Variants in VASN observed in about 807,000 individuals in gnomAD.
The protein encoded by VASN is protein slit-like 2.
VASN carries 5 observed loss-of-function variants against 4.8 expected under a neutral mutation model. That is an observed-to-expected ratio of 1.03 (90% CI 0.54 to 2.17). The LOEUF is 2.17. Among genes scored for constraint, VASN ranks in the 30% most tolerant of loss-of-function variants. The probability of loss-of-function intolerance (pLI) is 0.01; values close to 1 mark genes in which losing one functional copy is unlikely to be tolerated. For synonymous variants in VASN, 499 were observed against 460.8 expected (o/e 1.08, Z -1.06); for missense variants, 927 against 948.8 (o/e 0.98, Z 0.30).
Position 4,382,935 on chromosome 16 carries a change from C to T in VASN, c.*36C>T, listed in dbSNP as rs752244621. 5.5e-6 allele frequency: 8 copies of T among 1,460,098 alleles called. No individual in the cohort carries two copies. Among genetic ancestry groups the T allele is most frequent in the Non-Finnish European group, 7.2e-6 (8 of 1,105,680 alleles). The allele number at this position is 1,460,098 out of a possible 1,614,324, so 90.4% of individuals were successfully genotyped here. On this transcript the variant is annotated 3_prime_UTR_variant, in exon 2 of 2. Transcript: ENST00000304735. ...GACAGGGCAGCTGGGGCCGGGCTCT[C>T]AGCCAGTGAGATGGCCAGCCCCCTC...
chr16:4,383,015 G>A lies in VASN; in HGVS notation c.*116G>A, dbSNP rs116096591. The A allele has an allele frequency of 5.2e-3, 6,095 of 1,175,978 alleles. 264 individuals carry two copies. In the African/African-American group the frequency reaches 0.087, roughly 17 times the overall value. 72.8% of individuals were successfully genotyped at this position (1,175,978 alleles called of 1,614,324 possible). A position where few individuals can be genotyped will look rare whatever the true frequency, so the allele number is the denominator to read the frequency against. On this transcript the variant is annotated 3_prime_UTR_variant, in exon 2 of 2. Transcript: ENST00000304735. ...CCAACCTCGGGGATGTGTGCAGACA[G>A]GGCTGTGTGACCACAGCTGGGCCCT...
Position 4,381,618 on chromosome 16 carries a change from C to G in VASN, c.741C>G (p.Ala247=). The stretch of plus-strand genomic sequence containing the variant: ...GGGGCCTGACGCGCCTGCGGCTGGC[C>G]GGCAACACCCGCATTGCCCAGCTGC... ...GLRGLTRLRL[A]GNTRIAQLRP... The change falls in exon 2 of 2, where the codon GCC becomes GCG. Residue 247 remains alanine (A), a synonymous_variant. Coordinates refer to ENST00000304735, the MANE Select transcript of VASN (RefSeq NM_138440.3). 1.3e-6 allele frequency: 2 copies of G among 1,597,418 alleles called. No homozygotes were observed. Among genetic ancestry groups the G allele is most frequent in the Non-Finnish European group, 8.5e-7 (1 of 1,172,812 alleles).
At chr16:4,376,528 C>T (rs1161896551) in intron 1 of VASN, among the ~76,000 whole-genome samples, 1 of 152,178 alleles carries the variant, frequency 6.6e-6, no homozygotes, top group Non-Finnish European at 1.5e-5. Context: ...CCCTACTCAG[C>T]AGGCACACCG....
Position 4,381,322 on chromosome 16 carries a change from C to T in VASN, c.445C>T (p.Arg149Cys), listed in dbSNP as rs766743750. The T allele has an allele frequency of 2.5e-5, 40 of 1,611,036 alleles. No homozygotes were observed. Among genetic ancestry groups the T allele is most frequent in the African/African-American group, 1.9e-4 (14 of 74,884 alleles). The change falls in exon 2 of 2, where the codon CGC becomes TGC. Residue 149 changes from arginine to cysteine, a missense_variant. By Grantham distance (180) the Arg-to-Cys change is radical. Coordinates refer to ENST00000304735, the MANE Select transcript of VASN (RefSeq NM_138440.3). ...GCCTGGTGCCTTCGACACGCTCGAC[C>T]GCCTCCTGGAGCTCAAGCTGCAGGA... is the stretch of plus-strand genomic sequence containing the variant. The part of the protein sequence containing the change: ...IQPGAFDTLD[R>C]LLELKLQDNE...
chr16:4,378,192 C>T (rs1214791081), intron 1 of VASN, among the ~76,000 whole-genome samples: 1 of 152,190 alleles, frequency 6.6e-6, no homozygotes, highest in Non-Finnish European at 1.5e-5. Context: ...GTCCCAGATA[C>T]TCAGATGAAG....
chr16:4,378,599 C>A (rs2054836706), intron 1 of VASN, among the ~76,000 whole-genome samples: 1 of 152,118 alleles, frequency 6.6e-6, no homozygotes, highest in Non-Finnish European at 1.5e-5. Context: ...GGCCCCAGGG[C>A]CTTAGGTCAT....
At chr16:4,374,600 G>A (rs1356821336) in intron 1 of VASN, among the ~76,000 whole-genome samples, 1 of 152,190 alleles carries the variant, frequency 6.6e-6, no homozygotes, top group Non-Finnish European at 1.5e-5. Flanking sequence ...TGGGCCCCGA[G>A]CCCGGCTGGG....
chr16:4,378,211 G>A (rs1309914381), intron 1 of VASN, among the ~76,000 whole-genome samples: 1 of 152,170 alleles, frequency 6.6e-6, no homozygotes, highest in Non-Finnish European at 1.5e-5. Context: ...AGAAACCGAG[G>A]TGTGAGAGCA....
intron 1 of VASN, among the ~76,000 whole-genome samples, chr16:4,376,831 C>T (rs964095519): frequency 3.9e-5 from 6 of 152,188 alleles, no homozygotes; most frequent in Non-Finnish European, 7.4e-5. Context: ...GCTCCCCAGC[C>T]CCCAGGGTGA....
rs2055039924 is a variant in VASN at position 4,382,694 on chromosome 16, C to T, written c.1817C>T (p.Ala606Val). The part of the protein sequence containing the change: ...AYCVRRGRAM[A>V]AAAQDKGQVG... ...TGTGTGCGGCGGGGGCGGGCCATGG[C>T]AGCAGCGGCTCAGGACAAAGGGCAG... The change falls in exon 2 of 2, where the codon GCA becomes GTA. Residue 606 changes from alanine to valine, a missense_variant. Transcript: ENST00000304735. 6.5e-7 allele frequency: 1 copy of T among 1,546,756 alleles called. No homozygotes were observed.
chr16:4,382,792 G>T lies in VASN; in HGVS notation c.1915G>T (p.Glu639Ter), dbSNP rs753091510. The change falls in exon 2 of 2, where the codon GAG becomes TAG. Residue 639 changes from glutamate to a stop codon, truncating the protein, a stop_gained. Transcript: ENST00000304735. LOFTEE classifies it low-confidence loss of function (END_TRUNC). ...VPLEPGPKAT[E>*]GGGEALPSGS... is the part of the protein sequence containing the mutation. ...CTTGGAGCCAGGCCCGAAGGCAACA[G>T]AGGGCGGTGGAGAGGCCCTGCCCAG... The T allele has an allele frequency of 6.3e-7, 1 of 1,586,140 alleles. No homozygotes were observed. The highest frequency in any genetic ancestry group is 1.8e-5 in the Admixed American group (1 of 56,402).
Position 4,381,566 on chromosome 16 carries a change from G to C in VASN, c.689G>C (p.Arg230Pro), listed in dbSNP as rs752293415. ...DLDVSDNQLERVPPVIRGLRG... is the reference protein window; with the variant it reads ...DLDVSDNQLEPVPPVIRGLRG... ...GATGTGTCCGACAACCAGCTGGAGCGAGTGCCACCTGTGATCCGAGGCCTC... is the reference window on the plus strand; with the variant it reads ...GATGTGTCCGACAACCAGCTGGAGCCAGTGCCACCTGTGATCCGAGGCCTC... Residue 230 changes from arginine to proline, a missense_variant, in exon 2 of 2, where the codon CGA (arginine) becomes CCA (proline). Physicochemically the swap from Arg to Pro is moderately radical, Grantham distance 103 (BLOSUM62 -2). Coordinates refer to ENST00000304735, the MANE Select transcript of VASN (RefSeq NM_138440.3). 8.7e-6 allele frequency: 14 copies of C among 1,605,302 alleles called. No individual in the cohort carries two copies. The highest frequency in any genetic ancestry group is 1.2e-5 in the Non-Finnish European group (14 of 1,176,746).
At position 4,381,340 on chromosome 16, in the gene VASN, C is replaced by T. The variant is rs756641254; in HGVS notation, c.463C>T (p.Leu155=). ...GCTCGACCGCCTCCTGGAGCTCAAG[C>T]TGCAGGACAACGAGCTGCGGGCACT... The part of the protein sequence containing the change: ...DTLDRLLELK[L]QDNELRALPP... The change falls in exon 2 of 2, where the codon CTG becomes TTG. Residue 155 remains leucine, a synonymous_variant. Coordinates refer to ENST00000304735, the MANE Select transcript of VASN (RefSeq NM_138440.3). 1.2e-6 allele frequency: 2 copies of T among 1,608,458 alleles called. No individual in the cohort carries two copies. The highest frequency in any genetic ancestry group is 1.7e-6 in the Non-Finnish European group (2 of 1,178,162).
At chr16:4,373,609 C>T (rs1346904042) in intron 1 of VASN, among the ~76,000 whole-genome samples, 6 of 152,176 alleles carry the variant, frequency 3.9e-5, no homozygotes, top group African/African-American at 1.4e-4. Context: ...AAGGGAGATG[C>T]CCCGGGCAGG....
rs750055526 is a variant in VASN at position 4,381,096 on chromosome 16, C to T, written c.219C>T (p.Ala73=). ...CCATGCTCGACGCAGGCAGCTTTGCCGGCCTGCCGGGCCTGCAGCTCCTGG... is the reference window on the plus strand; with the variant it reads ...CCATGCTCGACGCAGGCAGCTTTGCTGGCCTGCCGGGCCTGCAGCTCCTGG... ...GITMLDAGSF[A]GLPGLQLLDL... is the part of the protein sequence containing the mutation. Residue 73 remains alanine, a synonymous_variant, in exon 2 of 2, where the codon GCC becomes GCT. Transcript: ENST00000304735. 38 of 1,607,942 alleles carry T rather than the reference C, an allele frequency of 2.4e-5. No homozygotes were observed. Among genetic ancestry groups the T allele is most frequent in the African/African-American group, 8.0e-5 (6 of 74,806 alleles).
chr16:4,377,387 C>G (rs2054776621), intron 1 of VASN, among the ~76,000 whole-genome samples: 1 of 152,168 alleles, frequency 6.6e-6, no homozygotes, highest in African/African-American at 2.4e-5. Flanking sequence ...CACCGTGTGA[C>G]CTGTAGACAG....
At chr16:4,373,736 C>T (rs1199984831) in intron 1 of VASN, among the ~76,000 whole-genome samples, 3 of 152,120 alleles carry the variant, frequency 2.0e-5, no homozygotes, top group Non-Finnish European at 4.4e-5. Context: ...ATAAGTGGGT[C>T]CCAACACAAC....
chr16:4,374,550 G>A (rs749930403), intron 1 of VASN, among the ~76,000 whole-genome samples: 12 of 152,182 alleles, frequency 7.9e-5, no homozygotes, highest in African/African-American at 1.7e-4. Flanking sequence ...GGCCTACACC[G>A]GGAAGGGGCT....
chr16:4,380,292 G>A (rs945458124), intron 1 of VASN, among the ~76,000 whole-genome samples: 33 of 152,128 alleles, frequency 2.2e-4, no homozygotes, highest in African/African-American at 7.5e-4. Context: ...CTGGCGGCCC[G>A]CAGCCCCCAG....
Sources: gnomAD v4.1 joint callset for allele counts (sites outside exome capture counted in the v4.1 genomes callset) on GRCh38, gnomAD v4.1.1 for gene constraint, MANE v1.5 for transcripts, NCBI Gene and HGNC (gene_info 2026-07-23, HGNC 2026-07-21) for gene names.